The following NKAIN2 variants were observed in gnomAD, a reference collection of about 807,000 sequenced individuals.
NKAIN2 encodes sodium/potassium-transporting ATPase subunit beta-1-interacting protein 2.
In NKAIN2, 14 loss-of-function variants were observed where a neutral mutation model predicts 32.6. The observed-to-expected ratio is 0.43, with a 90% CI of 0.28 to 0.67. The LOEUF is 0.67. Ranked by LOEUF, NKAIN2 falls within the 30% of genes least tolerant of loss-of-function variation. NKAIN2 has a pLI of 0.17. For synonymous variants in NKAIN2, 80 were observed against 87.2 expected (o/e 0.92, Z 0.46); for missense variants, 198 against 258.3 (o/e 0.77, Z 1.60).
At chr6:123,892,869 C>T (rs1286132752) in intron 1 of NKAIN2, among the ~76,000 whole-genome samples, 1 of 151,314 alleles carries the variant, frequency 6.6e-6, no homozygotes, top group African/African-American at 2.4e-5. Context: ...GGTCAGATGC[C>T]ATATACCTCA....
In NKAIN2 at chr6:124,758,436, C is replaced by T. The variant is rs143138465; in HGVS notation, c.475-32903C>T. On this transcript the variant is annotated intron_variant, in intron 4 of 6. Transcript: ENST00000368417. Reference sequence around the variant, plus strand: ...GAGCCAGGAAGAGGACCCCACCAGACGCAGAATCTGCCGGCACCTTAATCT... The same window carrying T: ...GAGCCAGGAAGAGGACCCCACCAGATGCAGAATCTGCCGGCACCTTAATCT... Among the ~76,000 whole-genome samples the T allele has an allele frequency of 4.5e-3, 685 of 152,268 alleles. 10 individuals are homozygous for T. The highest frequency in any genetic ancestry group is 0.015 in the African/African-American group (633 of 41,570).
chr6:124,093,762 A>G (rs569434742), intron 1 of NKAIN2, among the ~76,000 whole-genome samples: 1 of 152,220 alleles, frequency 6.6e-6, no homozygotes, highest in African/African-American at 2.4e-5. Flanking sequence ...AAAACTATCT[A>G]AGGGAGCCCG....
chr6:124,638,357 AT>A (rs1435035710), intron 3 of NKAIN2, among the ~76,000 whole-genome samples: 3 of 152,218 alleles, frequency 2.0e-5, no homozygotes, highest in Non-Finnish European at 4.4e-5. Flanking sequence ...CAAGGCAAAT[AT>A]TTTATGGGTA....
At chr6:124,709,421 T>A (rs1021552135) in intron 4 of NKAIN2, among the ~76,000 whole-genome samples, 218 of 151,594 alleles carry the variant, frequency 1.4e-3, no homozygotes, top group African/African-American at 5.0e-3. Context: ...ATGGTACCAG[T>A]TCCTCCTTGT....
intron 1 of NKAIN2, among the ~76,000 whole-genome samples, chr6:123,941,464 C>T (rs1159679957): frequency 2.0e-5 from 3 of 151,846 alleles, no homozygotes; most frequent in Non-Finnish European, 4.4e-5. Flanking sequence ...ACCACAAACA[C>T]ATGAGTAATG....
chr6:124,009,411 G>C (rs370002226), intron 1 of NKAIN2, among the ~76,000 whole-genome samples: 1 of 152,158 alleles, frequency 6.6e-6, no homozygotes, highest in Non-Finnish European at 1.5e-5. Flanking sequence ...CTAAGTCTTA[G>C]GTAGTCTGCT....
At chr6:123,891,156 A>G (rs1354130636) in intron 1 of NKAIN2, among the ~76,000 whole-genome samples, 1 of 152,200 alleles carries the variant, frequency 6.6e-6, no homozygotes, top group African/African-American at 2.4e-5. Flanking sequence ...ATAGAGGGAC[A>G]GAAAATAGAA....
intron 3 of NKAIN2, among the ~76,000 whole-genome samples, chr6:124,425,584 T>G (rs1314632538): frequency 6.6e-6 from 1 of 151,990 alleles, no homozygotes; most frequent in East Asian, 1.9e-4. Flanking sequence ...TATGAGGAAT[T>G]TATACAACAC....
chr6:123,839,093 G>A (rs1040091637), intron 1 of NKAIN2, among the ~76,000 whole-genome samples: 2 of 152,120 alleles, frequency 1.3e-5, no homozygotes, highest in African/African-American at 2.4e-5. Context: ...TGCTGCTTAG[G>A]GGGAGAGGGA....
At chr6:124,364,004 C>T (rs138477178) in intron 3 of NKAIN2, among the ~76,000 whole-genome samples, 17 of 151,568 alleles carry the variant, frequency 1.1e-4, no homozygotes, top group South Asian at 2.1e-4. Context: ...AGAAAATAAA[C>T]GGGAAAACTG....
intron 4 of NKAIN2, among the ~76,000 whole-genome samples, chr6:124,686,104 C>G (rs1055007342): frequency 6.6e-6 from 1 of 152,102 alleles, no homozygotes; most frequent in African/African-American, 2.4e-5. Context: ...TGGCTGTCAA[C>G]CAGCAGACTC....
chr6:123,895,843 G>A (rs1264468743), intron 1 of NKAIN2, among the ~76,000 whole-genome samples: 2 of 152,176 alleles, frequency 1.3e-5, no homozygotes, highest in Non-Finnish European at 2.9e-5. Flanking sequence ...CATTGGACTC[G>A]AGAGGTTGAT....
intron 1 of NKAIN2, among the ~76,000 whole-genome samples, chr6:123,994,722 AG>A (rs1779547138): frequency 6.6e-6 from 1 of 152,200 alleles, no homozygotes; most frequent in Admixed American, 6.5e-5. Context: ...AATTCATTAA[AG>A]TTTGATTTAC....
chr6:124,358,160 T>G (rs1438666602), intron 3 of NKAIN2, among the ~76,000 whole-genome samples: 1 of 152,236 alleles, frequency 6.6e-6, no homozygotes, highest in East Asian at 1.9e-4. Flanking sequence ...CACATTTTCT[T>G]AATCCAGTCT....
At chr6:124,608,954 C>T (rs556153534) in intron 3 of NKAIN2, among the ~76,000 whole-genome samples, 4 of 152,196 alleles carry the variant, frequency 2.6e-5, no homozygotes, top group South Asian at 4.2e-4. Context: ...TGTCAATCTG[C>T]GGTGTATACA....
chr6:124,520,200 T>C (rs562379875), intron 3 of NKAIN2, among the ~76,000 whole-genome samples: 59 of 152,014 alleles, frequency 3.9e-4, no homozygotes, highest in African/African-American at 1.3e-3. Flanking sequence ...TAGGAAGAAA[T>C]GGGAAAAAAA....
rs139672203 is a variant in NKAIN2 at position 124,122,242 on chromosome 6, A to G, written c.55-160763A>G. On this transcript the variant is annotated intron_variant, in intron 1 of 6. Transcript: ENST00000368417. ...TCGTCTGCTTTACATGTTTTTTGAT[A>G]TAAAGTTGAGATCACGTAGTATATA... Among the ~76,000 whole-genome samples the G allele has an allele frequency of 1.2e-4, 18 of 152,212 alleles. No homozygotes were observed. In the East Asian group the frequency reaches 2.5e-3, roughly 21 times the overall value.
intron 1 of NKAIN2, among the ~76,000 whole-genome samples, chr6:123,827,426 T>C (rs1322840913): frequency 2.0e-5 from 3 of 152,152 alleles, no homozygotes; most frequent in Non-Finnish European, 4.4e-5. Flanking sequence ...CTATTTCTTA[T>C]ACATGTACCA....
At chr6:124,346,286 G>C (rs1234153807) in intron 2 of NKAIN2, among the ~76,000 whole-genome samples, 2 of 152,072 alleles carry the variant, frequency 1.3e-5, no homozygotes, top group African/African-American at 4.8e-5. Context: ...GGTGTGGTGT[G>C]GTGCTGAAAA....
Sources: gnomAD v4.1 joint callset for allele counts (sites outside exome capture counted in the v4.1 genomes callset) on GRCh38, gnomAD v4.1.1 for gene constraint, MANE v1.5 for transcripts, NCBI Gene and HGNC (gene_info 2026-07-23, HGNC 2026-07-21) for gene names.